Variants in MCTP1 observed in about 807,000 individuals in gnomAD.
MCTP1 encodes multiple C2 and transmembrane domain containing 1, also known as multiple C2 and transmembrane domain-containing protein 1.
MCTP1 carries 69 observed loss-of-function variants against 120.6 expected under a neutral mutation model. The observed-to-expected ratio is 0.57, with a 90% CI of 0.47 to 0.70. MCTP1 has a LOEUF of 0.70. MCTP1 is among the 30% of genes least tolerant of loss of function. The pLI, the probability that MCTP1 is intolerant of heterozygous loss-of-function variation, is 0.00. For synonymous variants in MCTP1, 529 were observed against 493.1 expected (o/e 1.07, Z -0.96); for missense variants, 1,203 against 1,248.8 (o/e 0.96, Z 0.55).
intron 1 of MCTP1, among the ~76,000 whole-genome samples, chr5:95,202,530 C>A (rs1404403320): frequency 6.6e-6 from 1 of 152,164 alleles, no homozygotes; most frequent in Non-Finnish European, 1.5e-5. Flanking sequence ...CTTTGGAGAA[C>A]CCTGACTAGT....
At chr5:95,166,818 C>T (rs753393311) in intron 1 of MCTP1, among the ~76,000 whole-genome samples, 9 of 152,076 alleles carry the variant, frequency 5.9e-5, no homozygotes, top group Middle Eastern at 3.2e-3. Flanking sequence ...CCGCCCGCCT[C>T]AGCCTCCCAA....
chr5:95,229,954 T>G (rs1344828837), intron 1 of MCTP1, among the ~76,000 whole-genome samples: 1 of 152,086 alleles, frequency 6.6e-6, no homozygotes, highest in Non-Finnish European at 1.5e-5. Context: ...CTTTATTCAT[T>G]TCTGTCTACC....
intron 1 of MCTP1, among the ~76,000 whole-genome samples, chr5:95,188,889 T>A (rs147756653): frequency 6.6e-6 from 1 of 152,192 alleles, no homozygotes; most frequent in East Asian, 1.9e-4. Flanking sequence ...TTCCTGGTCA[T>A]GATACTGTAC....
chr5:95,123,737 C>T (rs879520568), intron 1 of MCTP1, among the ~76,000 whole-genome samples: 1 of 151,736 alleles, frequency 6.6e-6, no homozygotes, highest in Admixed American at 6.6e-5. Context: ...GCAAGCTCTG[C>T]CTCCCGGGTT....
At chr5:95,196,241 T>C (rs1057306138) in intron 1 of MCTP1, among the ~76,000 whole-genome samples, 2 of 152,242 alleles carry the variant, frequency 1.3e-5, no homozygotes, top group African/African-American at 4.8e-5. Flanking sequence ...GATACATATA[T>C]GTTCCTTATG....
chr5:95,245,087 T>C (rs1361408619), intron 1 of MCTP1, among the ~76,000 whole-genome samples: 1 of 151,616 alleles, frequency 6.6e-6, no homozygotes, highest in Non-Finnish European at 1.5e-5. Context: ...AGCTGAGGGG[T>C]CTGTTAGAAG....
At chr5:94,990,906 AC>A (rs1831430513) in intron 2 of MCTP1, among the ~76,000 whole-genome samples, 3 of 152,132 alleles carry the variant, frequency 2.0e-5, no homozygotes, top group African/African-American at 7.2e-5. Context: ...CCCTCTTTCC[AC>A]AGAGAATTCC....
chr5:94,714,425 G>A (rs1213074945), intron 20 of MCTP1, among the ~76,000 whole-genome samples: 2 of 151,776 alleles, frequency 1.3e-5, no homozygotes, highest in African/African-American at 4.8e-5. Context: ...TTAATTACCT[G>A]AAGTCCTCAT....
At chr5:94,945,090 G>T (rs1179982260) in intron 3 of MCTP1, among the ~76,000 whole-genome samples, 1 of 152,232 alleles carries the variant, frequency 6.6e-6, no homozygotes, top group East Asian at 1.9e-4. Flanking sequence ...TGTATTGAGT[G>T]TCATAAACAG....
At chr5:94,764,962 T>C (rs1298523530) in intron 19 of MCTP1, among the ~76,000 whole-genome samples, 1 of 151,888 alleles carries the variant, frequency 6.6e-6, no homozygotes, top group Non-Finnish European at 1.5e-5. Context: ...CATCAGCACA[T>C]GGGACATTCT....
chr5:94,917,474 T>C (rs888427889), intron 8 of MCTP1, among the ~76,000 whole-genome samples: 6 of 152,234 alleles, frequency 3.9e-5, no homozygotes, highest in Non-Finnish European at 8.8e-5. Flanking sequence ...TTTACTGAAA[T>C]TGCGTGATTC....
At chr5:94,969,131 T>C (rs557840352) in intron 2 of MCTP1, among the ~76,000 whole-genome samples, 4 of 152,338 alleles carry the variant, frequency 2.6e-5, no homozygotes, top group Non-Finnish European at 4.4e-5. Context: ...AAAGAGGAAT[T>C]GGACGGTTTC....
intron 1 of MCTP1, among the ~76,000 whole-genome samples, chr5:95,215,782 G>T (rs1752976300): frequency 6.6e-6 from 1 of 152,062 alleles, no homozygotes; most frequent in Non-Finnish European, 1.5e-5. Context: ...CTTTGAGCCA[G>T]CAACCACCTA....
At chr5:94,853,786 A>T (rs1794214653) in intron 17 of MCTP1, among the ~76,000 whole-genome samples, 1 of 151,946 alleles carries the variant, frequency 6.6e-6, no homozygotes, top group East Asian at 1.9e-4. Flanking sequence ...TGGATGCCTA[A>T]GGAAATGAGA....
chr5:94,961,804 T>C (rs903075348), intron 2 of MCTP1, among the ~76,000 whole-genome samples: 6 of 152,186 alleles, frequency 3.9e-5, no homozygotes, highest in East Asian at 1.9e-4. Context: ...TTAGTCTACA[T>C]TGAAGCTACA....
At chr5:94,909,588 G>A (rs1415328028) in intron 9 of MCTP1, among the ~76,000 whole-genome samples, 1 of 152,032 alleles carries the variant, frequency 6.6e-6, no homozygotes, top group Non-Finnish European at 1.5e-5. Flanking sequence ...CTCAATGGAT[G>A]TGTCCTGAAA....
In MCTP1 at chr5:94,953,713, C is replaced by CA. The variant is rs776085096; in HGVS notation, c.839-353dup. Reference sequence around the variant, plus strand: ...TTTATCACAGCACTTTTCACAATAGCAAAGACATGGAATCAACAGACTATT... The same window carrying CA: ...TTTATCACAGCACTTTTCACAATAGCAAAAGACATGGAATCAACAGACTATT... On this transcript the variant is annotated intron_variant, in intron 2 of 22. Transcript: ENST00000515393. 1.2e-4 allele frequency among the ~76,000 whole-genome samples: 17 copies of CA among 147,330 alleles called. No homozygotes were observed. The East Asian group carries it at 1.8e-3, about 16-fold the overall frequency.
In MCTP1 at chr5:95,042,090, A is replaced by G. The variant is rs112519277; in HGVS notation, c.721-24606T>C. On this transcript the variant is annotated intron_variant, in intron 1 of 22. Transcript: ENST00000515393. ...TGCTTCATCACTGAAATGTTAGACC[A>G]GCTGCTTTTGCTGGTTCAGTGTAGT... Among the ~76,000 whole-genome samples the G allele has an allele frequency of 2.8e-3, 426 of 152,312 alleles. 1 individual carries two copies. The highest frequency in any genetic ancestry group is 9.9e-3 in the African/African-American group (410 of 41,576).
chr5:95,025,733 A>G (rs1286757188), intron 1 of MCTP1, among the ~76,000 whole-genome samples: 1 of 152,162 alleles, frequency 6.6e-6, no homozygotes, highest in Non-Finnish European at 1.5e-5. Flanking sequence ...TAGATAGACT[A>G]GTGGCTCTGG....
Sources: allele counts gnomAD v4.1 joint callset (sites outside exome capture counted in the v4.1 genomes callset), GRCh38; gene constraint gnomAD v4.1.1; transcripts MANE v1.5; gene names NCBI Gene and HGNC (gene_info 2026-07-23, HGNC 2026-07-21).